The following KL variants were observed in gnomAD, a reference collection of about 807,000 sequenced individuals.
KL encodes alpha-klotho.
KL carries 62 observed loss-of-function variants against 84.2 expected under a neutral mutation model. That is an observed-to-expected ratio of 0.74 (90% confidence interval 0.60 to 0.91). KL has a LOEUF of 0.91. Among genes scored for constraint, KL ranks in the 40% least tolerant of loss-of-function variants. The pLI, the probability that KL is intolerant of heterozygous loss-of-function variation, is 0.00. For synonymous variants in KL, 528 were observed against 528.0 expected, an observed-to-expected ratio of 1.00 and a Z score of 0.00; for missense variants, 1,261 against 1,305.7, an observed-to-expected ratio of 0.97 and a Z score of 0.53.
At chr13:33,042,119 T>C (rs1441303367) in intron 1 of KL, among the ~76,000 whole-genome samples, 2 of 152,196 alleles carry the variant, frequency 1.3e-5, no homozygotes, top group East Asian at 3.8e-4. Flanking sequence ...TGAATTTATG[T>C]TTCGGAGAAA....
At chr13:33,038,900 A>C (rs570958697) in intron 1 of KL, among the ~76,000 whole-genome samples, 18 of 152,362 alleles carry the variant, frequency 1.2e-4, no homozygotes, top group Non-Finnish European at 1.6e-4. Context: ...TGAAAATTCC[A>C]GTTTTAAAAA....
chr13:33,039,208 AATTT>A (rs1240150833), intron 1 of KL, among the ~76,000 whole-genome samples: 3 of 152,208 alleles, frequency 2.0e-5, no homozygotes, highest in Non-Finnish European at 2.9e-5. Context: ...AATAAATTAT[AATTT>A]ATTTATCAAC....
intron 1 of KL, among the ~76,000 whole-genome samples, chr13:33,036,362 A>G: frequency 6.6e-6 from 1 of 151,428 alleles, no homozygotes; most frequent in African/African-American, 2.4e-5. Context: ...ACACACACAT[A>G]CACATACCAC....
chr13:33,043,948 T>G (rs1871430670), intron 1 of KL, among the ~76,000 whole-genome samples: 1 of 151,646 alleles, frequency 6.6e-6, no homozygotes, highest in South Asian at 2.1e-4. Context: ...AAAGAGACTA[T>G]TCTCTTACAT....
chr13:33,055,549 A>C (rs1871928615), intron 3 of KL, among the ~76,000 whole-genome samples: 1 of 152,246 alleles, frequency 6.6e-6, no homozygotes, highest in Non-Finnish European at 1.5e-5. Flanking sequence ...AAGCATATCA[A>C]TATTTAAGAT....
At position 33,061,045 on chromosome 13, in the gene KL, G is replaced by T; in HGVS notation, c.1966G>T (p.Ala656Ser). Residue 656 changes from alanine to serine, a missense_variant, in exon 4 of 5, where the codon GCC becomes TCC. Transcript: ENST00000380099. Reference sequence around the variant, plus strand: ...GCCGCGCCTCCTGGCCAGGCAGGGCGCCTGGGAGAACCCCTACACTGCCCT... The same window carrying T: ...GCCGCGCCTCCTGGCCAGGCAGGGCTCCTGGGAGAACCCCTACACTGCCCT... Reference protein sequence around the residue: ...GLPRLLARQGAWENPYTALAF... With the variant: ...GLPRLLARQGSWENPYTALAF... 1 of 1,611,852 alleles carries T rather than the reference G, an allele frequency of 6.2e-7. No individual in the cohort carries two copies.
chr13:33,017,921 C>G (rs1348537552), intron 1 of KL, among the ~76,000 whole-genome samples: 1 of 152,210 alleles, frequency 6.6e-6, no homozygotes. Flanking sequence ...ATAGATTGTT[C>G]TACCACATCT....
chr13:33,056,350 T>C (rs1871955833), intron 3 of KL, among the ~76,000 whole-genome samples: 1 of 152,226 alleles, frequency 6.6e-6, no homozygotes, highest in Non-Finnish European at 1.5e-5. Flanking sequence ...GAATGTGAAA[T>C]GGGTTGCTGT....
At chr13:33,050,022 C>T (rs116427129) in intron 1 of KL, among the ~76,000 whole-genome samples, 2,234 of 152,140 alleles carry the variant, frequency 0.015, 53 homozygotes, top group African/African-American at 0.05. Flanking sequence ...ATTTTAGAAA[C>T]GTTTTTACAT....
intron 1 of KL, among the ~76,000 whole-genome samples, chr13:33,018,948 A>G (rs182623695): frequency 7.9e-5 from 12 of 152,306 alleles, no homozygotes; most frequent in Admixed American, 2.6e-4. Flanking sequence ...TTAAATAATC[A>G]ACATGTTTTA....
At position 33,061,310 on chromosome 13, in the gene KL, A is replaced by C; in HGVS notation, c.2231A>C (p.Lys744Thr). ...GAACCTGCCTGCCCTTTCTCCCAAA[A>C]GGACAAAGAGGTGGCTGAGAGAGTT... The part of the protein sequence containing the change: ...WIEPACPFSQ[K>T]DKEVAERVLE... The change falls in exon 4 of 5, where the codon AAG becomes ACG. Residue 744 changes from lysine (K) to threonine (T), a missense_variant. Coordinates refer to ENST00000380099, the MANE Select transcript of KL (RefSeq NM_004795.4). 1 of 1,614,202 alleles carries C rather than the reference A, an allele frequency of 6.2e-7. No homozygotes were observed. The highest frequency in any genetic ancestry group is 2.2e-5 in the East Asian group (1 of 44,878).
At position 33,060,845 on chromosome 13, in the gene KL, A is replaced by C. The variant is rs745818537; in HGVS notation, c.1766A>C (p.His589Pro). ...CAGATCGCTTTACTCCAGGAAATGC[A>C]CGTTACACATTTTCGCTTCTCCCTG... ...QPQIALLQEM[H>P]VTHFRFSLDW... The change falls in exon 4 of 5, where the codon CAC becomes CCC. Residue 589 changes from histidine to proline, a missense_variant. His to Pro is a moderately conservative substitution (Grantham distance 77, BLOSUM62 -2). Transcript: ENST00000380099. 3.7e-5 allele frequency: 60 copies of C among 1,614,196 alleles called. No individual in the cohort carries two copies. Among genetic ancestry groups the C allele is most frequent in the Non-Finnish European group, 5.0e-5 (59 of 1,180,020 alleles).
chr13:33,046,765 A>G (rs897189906), intron 1 of KL, among the ~76,000 whole-genome samples: 6 of 143,892 alleles, frequency 4.2e-5, no homozygotes, highest in Non-Finnish European at 9.1e-5. Context: ...TTTTTGATGT[A>G]GGTATTTAAA....
rs557038498 is a variant in KL at position 33,030,639 on chromosome 13, G to T, written c.819+13380G>T. ...TCTCCTGCAATAATCAGGAACCCAG[G>T]CTTAAAAGGGAGCAGGTACAACAGA... is the stretch of plus-strand genomic sequence containing the variant. On this transcript the variant is annotated intron_variant, in intron 1 of 4. Coordinates refer to ENST00000380099, the MANE Select transcript of KL (RefSeq NM_004795.4). Among the ~76,000 whole-genome samples the T allele has an allele frequency of 4.6e-5, 7 of 152,248 alleles. No homozygotes were observed. In the South Asian group the frequency reaches 1.5e-3, roughly 32 times the overall value.
At chr13:33,057,802 G>T (rs1477804287) in intron 3 of KL, among the ~76,000 whole-genome samples, 5 of 148,090 alleles carry the variant, frequency 3.4e-5, no homozygotes, top group African/African-American at 1.2e-4. Context: ...CTGACCTGAC[G>T]TAGTCAAAAT....
In KL at chr13:33,061,686, C is replaced by CATA; in HGVS notation, c.2611_2613dup (p.Ile871dup). 1.9e-6 allele frequency: 3 copies of CATA among 1,614,048 alleles called. No homozygotes were observed. Among genetic ancestry groups the CATA allele is most frequent in the Non-Finnish European group, 2.5e-6 (3 of 1,179,942 alleles). Reference sequence around the variant, plus strand: ...TCAAGTACGGAGACCTCCCCATGTACATAATATCCAATGGAATCGATGACG... The same window carrying CATA: ...TCAAGTACGGAGACCTCCCCATGTACATAATAATATCCAATGGAATCGATGACG... On this transcript the variant is annotated inframe_insertion, in exon 4 of 5. Transcript: ENST00000380099.
At chr13:33,024,111 C>CAAGACATCTTTCACATATTTGAA (rs66991264) in intron 1 of KL, among the ~76,000 whole-genome samples, 2 of 152,162 alleles carry the variant, frequency 1.3e-5, no homozygotes, top group East Asian at 3.9e-4. Context: ...CACTTTTTGA[C>CAAGACATCTTTCACATATTTGAA]AAGACATCTT....
In KL at chr13:33,059,769, CCTCT is replaced by C. The variant is rs1278523837; in HGVS notation, c.1600-904_1600-901del. ...TACAGGCGTGAGCCACTGCGCCTGGCCTCTCTCTCGGACTTTCTACCATCAGTCA... is the reference window on the plus strand; with the variant it reads ...TACAGGCGTGAGCCACTGCGCCTGGCCTCTCGGACTTTCTACCATCAGTCA... On this transcript the variant is annotated intron_variant, in intron 3 of 4. Coordinates refer to ENST00000380099, the MANE Select transcript of KL (RefSeq NM_004795.4). 2.6e-5 allele frequency among the ~76,000 whole-genome samples: 4 copies of C among 152,170 alleles called. No homozygotes were observed. In the South Asian group the frequency reaches 8.3e-4, roughly 32 times the overall value.
intron 1 of KL, among the ~76,000 whole-genome samples, chr13:33,047,536 G>A (rs1320448190): frequency 1.3e-5 from 2 of 151,960 alleles, no homozygotes; most frequent in African/African-American, 4.8e-5. Flanking sequence ...CACCATGTTG[G>A]TCAGGCTGGT....
Sources: allele counts gnomAD v4.1 joint callset (sites outside exome capture counted in the v4.1 genomes callset), GRCh38; gene constraint gnomAD v4.1.1; transcripts MANE v1.5; gene names NCBI Gene and HGNC (gene_info 2026-07-23, HGNC 2026-07-21).